SDK1: variants seen among roughly 807,000 people sequenced by gnomAD.
SDK1 encodes sidekick cell adhesion molecule 1, also known as protein sidekick-1.
Under a neutral mutation model 245.5 loss-of-function variants are expected in SDK1, and 157 were observed. The observed-to-expected ratio is 0.64, with a 90% CI of 0.56 to 0.73. The LOEUF (loss-of-function observed/expected upper bound fraction) is 0.73. Ranked by LOEUF, SDK1 falls within the 30% of genes least tolerant of loss-of-function variation. The pLI is 0.00. For missense variants in SDK1, 3,583 were observed against 3,002.3 expected, an observed-to-expected ratio of 1.19 and a Z score of -4.52; for synonymous variants, 1,647 against 1,278.5, an observed-to-expected ratio of 1.29 and a Z score of -6.15.
chr7:3,634,016 T>A (rs905678198), intron 2 of SDK1, among the ~76,000 whole-genome samples: 96 of 152,132 alleles, frequency 6.3e-4, no homozygotes, highest in African/African-American at 2.3e-3. Context: ...TGAGTTCTCC[T>A]TTAGCCCTCT....
rs576939482 is a variant in SDK1 at position 3,882,697 on chromosome 7, C to T, written c.847+61114C>T. ...AAACTGTTTTTAAGGACTTAGACAC[C>T]GCTGTTGTCACTATTTACAAATGAG... On this transcript the variant is annotated intron_variant, in intron 5 of 44. Coordinates refer to ENST00000404826, the MANE Select transcript of SDK1 (RefSeq NM_152744.4). Among the ~76,000 whole-genome samples the T allele has an allele frequency of 5.3e-5, 8 of 152,010 alleles. No individual in the cohort carries two copies. The South Asian group carries it at 8.3e-4, about 16-fold the overall frequency.
chr7:3,558,901 T>G (rs1396220364), intron 1 of SDK1, among the ~76,000 whole-genome samples: 2 of 152,224 alleles, frequency 1.3e-5, no homozygotes, highest in African/African-American at 4.8e-5. Flanking sequence ...TAGACAAATG[T>G]ATATTCTGCT....
intron 17 of SDK1, among the ~76,000 whole-genome samples, chr7:4,017,937 G>T (rs1786548764): frequency 6.6e-6 from 1 of 152,106 alleles, no homozygotes; most frequent in South Asian, 2.1e-4. Flanking sequence ...GTGAGATCCG[G>T]GTGCGGCGTG....
rs201396862 is a variant in SDK1, at chr7:4,232,407, C to CTTTTTTTTTTTTTTTTTT, written c.5828-845_5828-844insTTTTTTTTTTTTTTTTTT. ...TTCTTTTTTTCTTTTCTTTTCTTTTCTTTCTTTTTTTTTTTTTTTTGTTAT... is the reference window on the plus strand; with the variant it reads ...TTCTTTTTTTCTTTTCTTTTCTTTTCTTTTTTTTTTTTTTTTTTTTTCTTTTTTTTTTTTTTTTGTTAT... On this transcript the variant is annotated intron_variant, in intron 40 of 44. Transcript: ENST00000404826. 6.7e-4 allele frequency among the ~76,000 whole-genome samples: 49 copies of CTTTTTTTTTTTTTTTTTT among 73,174 alleles called. 2 individuals are homozygous for CTTTTTTTTTTTTTTTTTT. Among genetic ancestry groups the CTTTTTTTTTTTTTTTTTT allele is most frequent in the Middle Eastern group, 8.6e-3 (1 of 116 alleles). 48.0% of individuals were successfully genotyped at this position (73,174 alleles called of 152,430 possible). A position where few individuals can be genotyped will look rare whatever the true frequency, so the allele number is the denominator to read the frequency against.
intron 1 of SDK1, among the ~76,000 whole-genome samples, chr7:3,339,247 A>G (rs1330962252): frequency 6.6e-6 from 1 of 152,204 alleles, no homozygotes; most frequent in African/African-American, 2.4e-5. Flanking sequence ...GATCCTAAAT[A>G]TGTACACACC....
At chr7:3,561,131 G>A (rs1455699011) in intron 1 of SDK1, among the ~76,000 whole-genome samples, 1 of 152,140 alleles carries the variant, frequency 6.6e-6, no homozygotes, top group Non-Finnish European at 1.5e-5. Context: ...GAGGGTAGGG[G>A]AGAAAGGCAC....
intron 38 of SDK1, 54 bp from the exon 39 acceptor site, chr7:4,220,055 C>T (rs1785053248): frequency 3.2e-6 from 5 of 1,582,530 alleles, no homozygotes; most frequent in Non-Finnish European, 4.3e-6. Context: ...AGACAGTGGA[C>T]AGTTGCTTCT....
In SDK1 at chr7:3,321,782, T is replaced by TCCC. The variant is rs1562412713; in HGVS notation, c.298+19898_298+19899insCCC. Among the ~76,000 whole-genome samples, 248 of 51,428 alleles carry TCCC rather than the reference T, an allele frequency of 4.8e-3. 3 individuals are homozygous for TCCC. The highest frequency in any genetic ancestry group is 0.023 in the African/African-American group (223 of 9,630). 33.7% of individuals were successfully genotyped at this position (51,428 alleles called of 152,430 possible). ...CCCTCCCTTCCTTCCTTCCTTCTCC[T>TCCC]TCCTTCCTTCCTTCCTTCCTTCCTT... is the stretch of plus-strand genomic sequence containing the variant. On this transcript the variant is annotated intron_variant, in intron 1 of 44. Coordinates refer to ENST00000404826, the MANE Select transcript of SDK1 (RefSeq NM_152744.4).
intron 5 of SDK1, among the ~76,000 whole-genome samples, chr7:3,894,916 G>A (rs1189609307): frequency 6.6e-6 from 1 of 151,906 alleles, no homozygotes; most frequent in Non-Finnish European, 1.5e-5. Context: ...CCTGACCTCA[G>A]GTGATCTGCC....
chr7:3,789,168 A>C lies in SDK1; in HGVS notation c.714-32282A>C, dbSNP rs187291116. 2.0e-4 allele frequency among the ~76,000 whole-genome samples: 30 copies of C among 151,800 alleles called. 2 individuals are homozygous for C. Among genetic ancestry groups the C allele is most frequent in the African/African-American group, 6.8e-4 (28 of 41,384 alleles). ...CACTTGTAGCTGCTTTTTTTTTTGGACGGAGTTTCACTCCTGTTACCCAGG... is the reference window on the plus strand; with the variant it reads ...CACTTGTAGCTGCTTTTTTTTTTGGCCGGAGTTTCACTCCTGTTACCCAGG... On this transcript the variant is annotated intron_variant, in intron 4 of 44. Transcript: ENST00000404826.
At chr7:4,016,237 AT>A (rs1457044133) in intron 16 of SDK1, among the ~76,000 whole-genome samples, 2 of 152,158 alleles carry the variant, frequency 1.3e-5, no homozygotes, top group African/African-American at 4.8e-5. Flanking sequence ...AAGCCAGCGG[AT>A]TTGCTGCCAC....
chr7:3,952,127 C>T (rs111254598), intron 7 of SDK1: 71 of 571,288 alleles, frequency 1.2e-4, no homozygotes, highest in African/African-American at 1.2e-3. Flanking sequence ...TGTTCTCAAT[C>T]CTTCCAAGAA....
At chr7:3,521,186 C>G (rs1349505645) in intron 1 of SDK1, among the ~76,000 whole-genome samples, 2 of 152,162 alleles carry the variant, frequency 1.3e-5, no homozygotes, top group African/African-American at 2.4e-5. Flanking sequence ...CCATGTGACC[C>G]TGTCCAGCAA....
At chr7:4,225,840 G>A (rs1354585292) in intron 40 of SDK1, among the ~76,000 whole-genome samples, 4 of 152,054 alleles carry the variant, frequency 2.6e-5, no homozygotes, top group South Asian at 2.1e-4. Flanking sequence ...CTTTTTCGGC[G>A]AGGGCTGAAG....
chr7:3,596,549 C>A (rs972782885), intron 1 of SDK1, among the ~76,000 whole-genome samples: 6 of 152,198 alleles, frequency 3.9e-5, no homozygotes, highest in African/African-American at 1.2e-4. Context: ...TTTGTGACCA[C>A]CTCCTCACTC....
chr7:3,463,784 C>T (rs539371450), intron 1 of SDK1, among the ~76,000 whole-genome samples: 5 of 152,316 alleles, frequency 3.3e-5, no homozygotes, highest in Admixed American at 2.6e-4. Context: ...GCCTTAGTGT[C>T]TGATGGCTTT....
chr7:3,687,492 A>G (rs1784321303), intron 4 of SDK1, among the ~76,000 whole-genome samples: 1 of 152,220 alleles, frequency 6.6e-6, no homozygotes, highest in African/African-American at 2.4e-5. Context: ...AGCTGGTAAC[A>G]GATATCGAAC....
intron 5 of SDK1, among the ~76,000 whole-genome samples, chr7:3,883,724 C>G (rs917507785): frequency 2.9e-5 from 4 of 139,138 alleles, no homozygotes; most frequent in Non-Finnish European, 4.7e-5. Flanking sequence ...CTCCCATTGT[C>G]TAGCAGAGGG....
chr7:3,529,037 T>C (rs1783251248), intron 1 of SDK1, among the ~76,000 whole-genome samples: 1 of 151,964 alleles, frequency 6.6e-6, no homozygotes, highest in South Asian at 2.1e-4. Context: ...ATTGAACAAA[T>C]AAGTAAATAT....
Sources: allele counts gnomAD v4.1 joint callset (sites outside exome capture counted in the v4.1 genomes callset), GRCh38; gene constraint gnomAD v4.1.1; transcripts MANE v1.5; gene names NCBI Gene and HGNC (gene_info 2026-07-23, HGNC 2026-07-21).